SASH1: variants seen among roughly 807,000 people sequenced by gnomAD.
The protein encoded by SASH1 is SAM and SH3 domain-containing protein 1.
Under a neutral mutation model 125.2 loss-of-function variants are expected in SASH1, and 44 were observed. The ratio of observed to expected loss-of-function variants is 0.35; its 90% CI spans 0.28 to 0.45. The LOEUF is 0.45. SASH1 is among the 20% of genes least tolerant of loss of function. The probability of loss-of-function intolerance (pLI) is 1.00; values close to 1 mark genes in which losing one functional copy is unlikely to be tolerated. For synonymous variants in SASH1, 639 were observed against 649.1 expected (o/e 0.98, Z 0.24); for missense variants, 1,426 against 1,614.5 (o/e 0.88, Z 2.00).
chr6:148,440,246 G>A lies in SASH1; in HGVS notation c.336+12G>A. 6.2e-7 allele frequency: 1 copy of A among 1,613,776 alleles called. No homozygotes were observed. The highest frequency in any genetic ancestry group is 2.2e-5 in the East Asian group (1 of 44,870). ...GGTCCCAGATCGAAGTAAGCACAAT[G>A]ACTTTAATCATCTAGTTTTGCTTCT... On this transcript the variant is annotated intron_variant, in intron 3 of 19. Transcript: ENST00000367467.
chr6:148,230,435 C>T, the SASH1 span, among the ~76,000 whole-genome samples: 1 of 152,038 alleles, frequency 6.6e-6, no homozygotes, highest in African/African-American at 2.4e-5. Context: ...GCCTCAGCCT[C>T]CCAAGTATTT....
At chr6:148,471,747 G>A (rs1778129272) in intron 6 of SASH1, among the ~76,000 whole-genome samples, 1 of 152,178 alleles carries the variant, frequency 6.6e-6, no homozygotes, top group Non-Finnish European at 1.5e-5. Flanking sequence ...AGATCTGACA[G>A]CAGAGGCCGA....
intron 1 of SASH1, among the ~76,000 whole-genome samples, chr6:148,334,194 G>T: frequency 6.9e-6 from 1 of 144,866 alleles, no homozygotes; most frequent in South Asian, 2.2e-4. Flanking sequence ...GGAGGCCGAG[G>T]CGGGTGGATC....
intron 7 of SASH1, among the ~76,000 whole-genome samples, chr6:148,481,760 C>T (rs1165823309): frequency 6.6e-6 from 1 of 152,078 alleles, no homozygotes; most frequent in Non-Finnish European, 1.5e-5. Context: ...CATCCAAGGT[C>T]ACGGATCACA....
At chr6:148,477,262 G>A (rs1454107713) in intron 7 of SASH1, among the ~76,000 whole-genome samples, 2 of 152,040 alleles carry the variant, frequency 1.3e-5, no homozygotes, top group South Asian at 2.1e-4. Context: ...AAAGCAATAG[G>A]CAAAGTGAAA....
At chr6:148,388,006 C>T (rs943440600) in intron 1 of SASH1, among the ~76,000 whole-genome samples, 1 of 149,302 alleles carries the variant, frequency 6.7e-6, no homozygotes, top group African/African-American at 2.5e-5. Flanking sequence ...ACCTCTGACT[C>T]CCGGGTTCAA....
chr6:148,407,789 C>T (rs939849883), intron 2 of SASH1, among the ~76,000 whole-genome samples: 1 of 152,154 alleles, frequency 6.6e-6, no homozygotes, highest in Admixed American at 6.5e-5. Context: ...CGCACCACCA[C>T]ACCTGGCTAA....
intron 2 of SASH1, among the ~76,000 whole-genome samples, chr6:148,412,503 G>A (rs751857758): frequency 9.2e-5 from 14 of 152,186 alleles, no homozygotes; most frequent in Non-Finnish European, 2.1e-4. Flanking sequence ...ATGTCAGTTT[G>A]CAATGAGTTC....
chr6:148,418,061 C>T (rs1379445634), intron 2 of SASH1, among the ~76,000 whole-genome samples: 1 of 152,090 alleles, frequency 6.6e-6, no homozygotes, highest in Admixed American at 6.6e-5. Context: ...ACCCAGTGGT[C>T]CTAGTGGGCA....
chr6:148,551,470 A>T lies in SASH1; in HGVS notation c.*2912A>T, dbSNP rs1782875654. The T allele has an allele frequency of 1.3e-5, 2 of 152,552 alleles. No homozygotes were observed. The highest frequency in any genetic ancestry group is 4.8e-5 in the African/African-American group (2 of 41,582). The allele number at this position is 152,552 out of a possible 1,614,324, so 9.4% of individuals were successfully genotyped here. On this transcript the variant is annotated 3_prime_UTR_variant, in exon 20 of 20. Coordinates refer to ENST00000367467, the MANE Select transcript of SASH1 (RefSeq NM_015278.5). ...CAGCTAGTACTATTTATGTACCCAG[A>T]TAACTAAGATATTGTTTCATGGCCT...
At chr6:148,381,273 A>G (rs1454169394) in intron 1 of SASH1, among the ~76,000 whole-genome samples, 1 of 152,202 alleles carries the variant, frequency 6.6e-6, no homozygotes, top group Non-Finnish European at 1.5e-5. Context: ...TAGTTCATGC[A>G]TAAGATTTTG....
intron 16 of SASH1, 64 bp from the exon 17 acceptor site, chr6:148,540,379 G>A: frequency 7.7e-7 from 1 of 1,295,160 alleles, no homozygotes; most frequent in Non-Finnish European, 1.1e-6. Context: ...GTCGAGATCT[G>A]TTGACTCTGA....
At chr6:148,466,953 G>T (rs766202023) in intron 4 of SASH1, among the ~76,000 whole-genome samples, 7 of 152,090 alleles carry the variant, frequency 4.6e-5, no homozygotes, top group African/African-American at 4.8e-5. Flanking sequence ...TCCCCCAAGT[G>T]TCTGTGTCTC....
intron 1 of SASH1, among the ~76,000 whole-genome samples, chr6:148,281,917 G>A (rs1449871732): frequency 3.3e-4 from 25 of 75,190 alleles, no homozygotes; most frequent in South Asian, 6.0e-4. Flanking sequence ...GCGAGACTCC[G>A]TCTCAAAAAA....
chr6:148,300,527 C>T (rs993466580), intron 1 of SASH1, among the ~76,000 whole-genome samples: 5 of 150,492 alleles, frequency 3.3e-5, no homozygotes, highest in Admixed American at 2.7e-4. Flanking sequence ...CGGCTCACTG[C>T]AGCCTCTGCC....
chr6:148,234,778 G>A, the SASH1 span, among the ~76,000 whole-genome samples: 1 of 151,160 alleles, frequency 6.6e-6, no homozygotes, highest in African/African-American at 2.4e-5. Flanking sequence ...AATGAGCCGA[G>A]ACTGCGCCAT....
intron 5 of SASH1, among the ~76,000 whole-genome samples, chr6:148,470,605 C>T (rs111999437): frequency 5.8e-4 from 88 of 152,346 alleles, no homozygotes; most frequent in African/African-American, 1.9e-3. Context: ...TATCAATGAT[C>T]GGAACCCTAC....
intron 1 of SASH1, among the ~76,000 whole-genome samples, chr6:148,296,541 T>C (rs1182351970): frequency 1.3e-5 from 2 of 152,244 alleles, no homozygotes; most frequent in Non-Finnish European, 2.9e-5. Context: ...TGTAACTCTA[T>C]GGGATTCATT....
At chr6:148,341,988 C>T (rs187515434), upstream of SASH1, among the ~76,000 whole-genome samples, 12 of 152,276 alleles carry the variant, frequency 7.9e-5, no homozygotes, top group East Asian at 2.3e-3. Context: ...CTGGGGCTTC[C>T]CCTTGGAAAA....
Sources: gnomAD v4.1 joint callset for allele counts (sites outside exome capture counted in the v4.1 genomes callset) on GRCh38, gnomAD v4.1.1 for gene constraint, MANE v1.5 for transcripts, NCBI Gene and HGNC (gene_info 2026-07-23, HGNC 2026-07-21) for gene names.